Variants in MTRR observed in about 807,000 individuals in gnomAD.
MTRR encodes the protein methionine synthase reductase.
A neutral mutation model predicts 79.2 loss-of-function variants in MTRR; 63 were observed. The ratio of observed to expected loss-of-function variants is 0.80; its 90% CI spans 0.65 to 0.98. The LOEUF (loss-of-function observed/expected upper bound fraction) is 0.98, where lower values mean the gene tolerates loss of function less well. Ranked by LOEUF, MTRR falls within the 50% of genes least tolerant of loss-of-function variation. The pLI, the probability that MTRR is intolerant of heterozygous loss-of-function variation, is 0.00. For synonymous variants in MTRR, 355 were observed against 313.3 expected (o/e 1.13, Z -1.41); for missense variants, 895 against 839.6 (o/e 1.07, Z -0.82).
At chr5:7,883,556 C>CATATGCTGAGTTGTGTGGTGCTTGGTTAT in intron 6 of MTRR, among the ~76,000 whole-genome samples, 1 of 143,736 alleles carries the variant, frequency 7.0e-6, no homozygotes, top group East Asian at 2.1e-4. Flanking sequence ...TGCTTGGTTA[C>CATATGCTGAGTTGTGTGGTGCTTGGTTAT]ATATGCTGAG....
At chr5:7,885,895 A>G (rs754634720) in intron 7 of MTRR, 41 bp downstream of exon 7, 28 of 1,612,970 alleles carry the variant, frequency 1.7e-5, no homozygotes, top group Non-Finnish European at 2.3e-5. Flanking sequence ...GTTGTGGGCC[A>G]GTGGACTGGA....
chr5:7,854,454 A>G (rs1030257220), intron 1 of MTRR, among the ~76,000 whole-genome samples: 1 of 152,214 alleles, frequency 6.6e-6, no homozygotes, highest in Non-Finnish European at 1.5e-5. Flanking sequence ...GCTGATAAAG[A>G]CATACCCAAG....
At chr5:7,887,274 A>G (rs1736644712) in intron 8 of MTRR, among the ~76,000 whole-genome samples, 1 of 152,122 alleles carries the variant, frequency 6.6e-6, no homozygotes. Flanking sequence ...ATAATCCACT[A>G]GATGTCAGTA....
In MTRR at chr5:7,900,708, A is replaced by G. The variant is rs1256637669; in HGVS notation, c.*650A>G. ...TCTGGCATATGATTTATCTATCACC[A>G]TTACTTTTTTTTAAGTCACAATTTC... is the stretch of plus-strand genomic sequence containing the variant. On this transcript the variant is annotated 3_prime_UTR_variant, in exon 15 of 15. Coordinates refer to ENST00000440940, the MANE Select transcript of MTRR (RefSeq NM_002454.3). The G allele has an allele frequency of 6.6e-6, 1 of 152,664 alleles. No individual in the cohort carries two copies. The highest frequency in any genetic ancestry group is 2.4e-5 in the African/African-American group (1 of 41,436). The allele number at this position is 152,664 out of a possible 1,614,324, so 9.5% of individuals were successfully genotyped here.
Position 7,892,815 on chromosome 5 carries a change from G to A in MTRR, c.1459G>A (p.Gly487Arg), listed in dbSNP as rs137853061. ...TGCCACAACAGAGGTTCTGCGGAAG[G>A]GAGTATGTACAGGCTGGCTGGCCTT... Reference protein sequence around the residue: ...STATTEVLRKGVCTGWLALLV... With the variant: ...STATTEVLRKRVCTGWLALLV... The change falls in exon 11 of 15, where the codon GGA (glycine) becomes AGA (arginine). Residue 487 changes from glycine (G) to arginine (R), a missense_variant. Gly to Arg is a moderately radical substitution (Grantham distance 125, BLOSUM62 -2). Transcript: ENST00000440940. 1.9e-6 allele frequency: 3 copies of A among 1,614,192 alleles called. No individual in the cohort carries two copies. The highest frequency in any genetic ancestry group is 2.5e-6 in the Non-Finnish European group (3 of 1,180,036).
At chr5:7,851,551 A>T (rs1180506745) in exon 1 of MTRR, 1 of 152,408 alleles carries the variant, frequency 6.6e-6, no homozygotes, top group Non-Finnish European at 1.5e-5. Context: ...TAGAAACATG[A>T]TGAGAGCCAC....
chr5:7,868,853 C>G (rs1579571004), upstream of MTRR: 3 of 543,356 alleles, frequency 5.5e-6, no homozygotes, highest in Admixed American at 3.1e-5. Context: ...GCGAGCACCC[C>G]CAAACTCGGC....
chr5:7,852,138 A>G (rs1746094715), intron 1 of MTRR, among the ~76,000 whole-genome samples: 1 of 152,184 alleles, frequency 6.6e-6, no homozygotes, highest in Non-Finnish European at 1.5e-5. Context: ...AGGTGAACAG[A>G]TAGGTGGGGG....
rs1736851545 is a variant in MTRR, at chr5:7,887,814, ATATATATATATAT to A, written c.1146+1112_1146+1124del. On this transcript the variant is annotated intron_variant, in intron 8 of 14. Transcript: ENST00000440940. ...TGTGCATATATATATATATATATAT[ATATATATATATAT>A]ATATGGGTTTTTTCAAAAATAGTAT... 1.7e-4 allele frequency among the ~76,000 whole-genome samples: 7 copies of A among 40,588 alleles called. 1 individual carries two copies. 26.6% of individuals were successfully genotyped at this position (40,588 alleles called of 152,430 possible).
chr5:7,878,435 C>A (rs1734954942), intron 5 of MTRR, 113 bp downstream of exon 5: 1 of 1,332,168 alleles, frequency 7.5e-7, no homozygotes, highest in Non-Finnish European at 1.1e-6. Flanking sequence ...GCTTACTGGC[C>A]CAATGTGGCC....
At chr5:7,877,019 T>C (rs1734674294) in intron 4 of MTRR, among the ~76,000 whole-genome samples, 1 of 152,224 alleles carries the variant, frequency 6.6e-6, no homozygotes, top group Middle Eastern at 3.2e-3. Context: ...AACCACATTT[T>C]GAGTAGTGTA....
chr5:7,868,928 C>CT (rs1409360873), upstream of MTRR: 1 of 651,748 alleles, frequency 1.5e-6, no homozygotes, highest in Non-Finnish European at 2.8e-6. Flanking sequence ...CCGGCCAGGT[C>CT]TTTGACACCC....
At chr5:7,867,375 C>A, upstream of MTRR, 3 of 1,614,180 alleles carry the variant, frequency 1.9e-6, no homozygotes, top group Non-Finnish European at 2.5e-6. Context: ...ATAATGAGTT[C>A]TAGTGTCACA....
chr5:7,869,135 T>C, upstream of MTRR: 3 of 1,613,456 alleles, frequency 1.9e-6, no homozygotes, highest in Non-Finnish European at 2.5e-6. Context: ...GTACCGAGCA[T>C]GGGCGCTGCG....
chr5:7,882,636 A>G (rs1735758756), intron 5 of MTRR, among the ~76,000 whole-genome samples: 2 of 152,260 alleles, frequency 1.3e-5, no homozygotes, highest in Admixed American at 1.3e-4. Flanking sequence ...TGCTGGCCAC[A>G]TATAGCTACT....
intron 1 of MTRR, among the ~76,000 whole-genome samples, chr5:7,854,518 C>T (rs1007624838): frequency 6.6e-6 from 1 of 152,058 alleles, no homozygotes; most frequent in African/African-American, 2.4e-5. Flanking sequence ...GCTAGGGAGG[C>T]CTCAGAATCA....
intron 1 of MTRR, chr5:7,859,537 G>C: frequency 6.4e-7 from 1 of 1,571,914 alleles, no homozygotes; most frequent in South Asian, 1.2e-5. Context: ...CATGATAGGG[G>C]ATCTGTAAAG....
intron 5 of MTRR, among the ~76,000 whole-genome samples, chr5:7,879,179 T>A (rs1735111812): frequency 6.6e-6 from 1 of 152,182 alleles, no homozygotes; most frequent in Non-Finnish European, 1.5e-5. Flanking sequence ...CATTATTTTG[T>A]GAATTGTTTA....
intron 8 of MTRR, among the ~76,000 whole-genome samples, chr5:7,888,569 T>G (rs1439497851): frequency 6.6e-6 from 1 of 152,184 alleles, no homozygotes; most frequent in African/African-American, 2.4e-5. Flanking sequence ...TAGACAGAGA[T>G]TCTTCAGCCA....
Sources: gnomAD v4.1 joint callset for allele counts (sites outside exome capture counted in the v4.1 genomes callset) on GRCh38, gnomAD v4.1.1 for gene constraint, MANE v1.5 for transcripts, NCBI Gene and HGNC (gene_info 2026-07-23, HGNC 2026-07-21) for gene names.